FAM13A: variants seen among roughly 807,000 people sequenced by gnomAD.
The protein encoded by FAM13A is protein FAM13A.
FAM13A carries 76 observed loss-of-function variants against 129.6 expected under a neutral mutation model. That is an observed-to-expected ratio of 0.59 (90% CI 0.49 to 0.71). The LOEUF is 0.71. FAM13A is among the 30% of genes least tolerant of loss of function. FAM13A has a pLI of 0.00. For synonymous variants in FAM13A, 443 were observed against 449.9 expected, an observed-to-expected ratio of 0.98 and a Z score of 0.20; for missense variants, 1,108 against 1,249.3, an observed-to-expected ratio of 0.89 and a Z score of 1.70.
chr4:88,951,032 G>A (rs1441841575), intron 4 of FAM13A, among the ~76,000 whole-genome samples: 1 of 152,180 alleles, frequency 6.6e-6, no homozygotes, highest in African/African-American at 2.4e-5. Flanking sequence ...CCCGGTTGCT[G>A]GGTCCTCTGT....
chr4:88,976,716 TCACTCA>T, intron 4 of FAM13A, among the ~76,000 whole-genome samples: 1 of 150,552 alleles, frequency 6.6e-6, no homozygotes, highest in South Asian at 2.1e-4. Flanking sequence ...TACTCACCAC[TCACTCA>T]CTGACTCACA....
intron 7 of FAM13A, among the ~76,000 whole-genome samples, chr4:88,831,298 C>T (rs921204958): frequency 2.6e-5 from 4 of 152,172 alleles, no homozygotes; most frequent in Admixed American, 2.6e-4. Flanking sequence ...TGCTACCACA[C>T]CTGAGATCAG....
At chr4:88,930,936 C>G (rs996573051) in intron 5 of FAM13A, among the ~76,000 whole-genome samples, 2 of 152,138 alleles carry the variant, frequency 1.3e-5, no homozygotes, top group East Asian at 3.9e-4. Flanking sequence ...CTTCCCATGG[C>G]TAGGTGATGA....
At chr4:88,861,103 C>T (rs1035596731) in intron 6 of FAM13A, among the ~76,000 whole-genome samples, 4 of 152,098 alleles carry the variant, frequency 2.6e-5, no homozygotes, top group Non-Finnish European at 5.9e-5. Flanking sequence ...AAAACCTACA[C>T]CTCACAAGTT....
At chr4:88,874,089 T>C (rs1741937750) in intron 6 of FAM13A, among the ~76,000 whole-genome samples, 2 of 152,084 alleles carry the variant, frequency 1.3e-5, no homozygotes, top group Non-Finnish European at 2.9e-5. Context: ...AATTCAACAC[T>C]GCTTCATGCT....
chr4:88,868,227 G>C (rs1740773546), intron 6 of FAM13A, among the ~76,000 whole-genome samples: 1 of 152,124 alleles, frequency 6.6e-6, no homozygotes, highest in South Asian at 2.1e-4. Flanking sequence ...CATGAGCGGA[G>C]GCCCCAACAT....
At chr4:88,877,290 C>A (rs932050794) in intron 6 of FAM13A, among the ~76,000 whole-genome samples, 30 of 152,108 alleles carry the variant, frequency 2.0e-4, no homozygotes, top group Admixed American at 2.0e-3. Context: ...AACCTTTGAA[C>A]TACTGAATCT....
intron 1 of FAM13A, among the ~76,000 whole-genome samples, chr4:89,034,178 T>C (rs774712094): frequency 1.3e-5 from 2 of 152,136 alleles, no homozygotes; most frequent in Non-Finnish European, 2.9e-5. Context: ...TTGCAAACTA[T>C]GCATCCAAGA....
At chr4:89,024,261 G>C (rs950671552) in intron 2 of FAM13A, among the ~76,000 whole-genome samples, 1 of 152,026 alleles carries the variant, frequency 6.6e-6, no homozygotes, top group East Asian at 1.9e-4. Context: ...TCTGACACCT[G>C]GTGGTGACTT....
intron 7 of FAM13A, among the ~76,000 whole-genome samples, chr4:88,844,608 G>T (rs889984466): frequency 6.6e-6 from 1 of 152,178 alleles, no homozygotes; most frequent in South Asian, 2.1e-4. Flanking sequence ...GGAAAGTGTG[G>T]GTTCTCTGAT....
At chr4:88,967,913 G>A (rs1427779416) in intron 4 of FAM13A, among the ~76,000 whole-genome samples, 14 of 152,274 alleles carry the variant, frequency 9.2e-5, no homozygotes, top group Middle Eastern at 6.8e-3. Context: ...GCCTAGTGCT[G>A]CCATGTGGAG....
At chr4:88,965,770 A>C (rs76676552) in intron 4 of FAM13A, among the ~76,000 whole-genome samples, 1,681 of 152,274 alleles carry the variant, frequency 0.011, 22 homozygotes, top group Non-Finnish European at 0.019. Flanking sequence ...GTTTCTGTGA[A>C]TCTGACTACT....
intron 3 of FAM13A, among the ~76,000 whole-genome samples, chr4:89,017,898 G>A (rs771104015): frequency 2.6e-4 from 40 of 152,132 alleles, no homozygotes; most frequent in Non-Finnish European, 4.4e-4. Flanking sequence ...TAAAAGCACC[G>A]TTGACAACCA....
chr4:88,906,026 G>A (rs569547855), intron 6 of FAM13A, among the ~76,000 whole-genome samples: 4 of 152,278 alleles, frequency 2.6e-5, no homozygotes, highest in South Asian at 4.1e-4. Context: ...GGTGGCTCAC[G>A]CCTGTAATCC....
At chr4:88,870,297 G>A (rs1347240871) in intron 6 of FAM13A, among the ~76,000 whole-genome samples, 7 of 152,190 alleles carry the variant, frequency 4.6e-5, no homozygotes, top group African/African-American at 1.7e-4. Flanking sequence ...AGTGGGTGCA[G>A]CCCACGGAGG....
At chr4:88,817,517 C>T (rs577988919) in intron 7 of FAM13A, among the ~76,000 whole-genome samples, 5 of 151,290 alleles carry the variant, frequency 3.3e-5, no homozygotes, top group South Asian at 2.1e-4. Flanking sequence ...GAGCCAAGAT[C>T]GTGCCACTGC....
chr4:88,898,540 C>G (rs1746728189), intron 6 of FAM13A, among the ~76,000 whole-genome samples: 1 of 152,058 alleles, frequency 6.6e-6, no homozygotes, highest in Non-Finnish European at 1.5e-5. Context: ...AAACCATATA[C>G]TCTTGCCATA....
intron 3 of FAM13A, among the ~76,000 whole-genome samples, chr4:89,017,238 G>C (rs1201136779): frequency 6.6e-6 from 1 of 151,786 alleles, no homozygotes; most frequent in East Asian, 1.9e-4. Context: ...AGATTTTAAG[G>C]GAATGGAAGA....
intron 4 of FAM13A, among the ~76,000 whole-genome samples, chr4:88,963,270 G>A (rs1036208879): frequency 6.6e-6 from 1 of 151,956 alleles, no homozygotes; most frequent in South Asian, 2.1e-4. Context: ...GCCACCCAAA[G>A]AGAGATTACT....
Sources: gnomAD v4.1 joint callset for allele counts (sites outside exome capture counted in the v4.1 genomes callset) on GRCh38, gnomAD v4.1.1 for gene constraint, MANE v1.5 for transcripts, NCBI Gene and HGNC (gene_info 2026-07-23, HGNC 2026-07-21) for gene names.